The following MEF2C variants were observed in gnomAD, a reference collection of about 807,000 sequenced individuals.
MEF2C encodes the protein myocyte enhancer factor 2C, also known as myocyte-specific enhancer factor 2C.
A neutral mutation model predicts 50.5 loss-of-function variants in MEF2C; 6 were observed. The ratio of observed to expected loss-of-function variants is 0.12; its 90% CI spans 0.07 to 0.23. MEF2C has a LOEUF of 0.23. Ranked by LOEUF, MEF2C falls within the 10% of genes least tolerant of loss-of-function variation. The pLI is 1.00. For synonymous variants in MEF2C, 183 were observed against 228.0 expected (o/e 0.80, Z 1.78); for missense variants, 276 against 605.0 (o/e 0.46, Z 5.70).
chr5:88,851,903 T>C (rs1821503320), intron 1 of MEF2C, among the ~76,000 whole-genome samples: 1 of 152,202 alleles, frequency 6.6e-6, no homozygotes, highest in African/African-American at 2.4e-5. Flanking sequence ...CTTGAACCTT[T>C]ATAATGCAAT....
At chr5:88,775,622 T>C (rs1243217247) in intron 3 of MEF2C, 1 of 171,272 alleles carries the variant, frequency 5.8e-6, no homozygotes, top group Non-Finnish European at 1.2e-5. Context: ...TTCATCTCAA[T>C]TTATTTTCCT....
intron 2 of MEF2C, among the ~76,000 whole-genome samples, chr5:88,806,516 T>C (rs1800498693): frequency 6.6e-6 from 1 of 152,130 alleles, no homozygotes; most frequent in African/African-American, 2.4e-5. Context: ...AATCCTGGCC[T>C]GCCACCTTCT....
At chr5:88,881,061 T>C (rs2362113) in intron 1 of MEF2C, 48 of 152,172 alleles carry the variant, frequency 3.2e-4, no homozygotes, top group African/African-American at 1.1e-3. Flanking sequence ...GTGTGAATTA[T>C]ATTAATAAAA....
chr5:88,738,704 T>G (rs546507723), intron 6 of MEF2C: 1 of 985,296 alleles, frequency 1.0e-6, no homozygotes, highest in Admixed American at 6.1e-5. Flanking sequence ...AGGACACAAC[T>G]AGGGACAGGA....
intron 3 of MEF2C, among the ~76,000 whole-genome samples, chr5:88,783,478 A>G (rs900407428): frequency 6.6e-6 from 1 of 151,984 alleles, no homozygotes; most frequent in African/African-American, 2.4e-5. Flanking sequence ...AAAATACAAA[A>G]AAAATTTAGC....
rs1181787837 is a variant in MEF2C, at chr5:88,718,509, T to G, written c.*4095A>C. On this transcript the variant is annotated 3_prime_UTR_variant, in exon 11 of 11. Transcript: ENST00000504921. ...CTCATTTACAAGCGATTTTAATTAC[T>G]CTCATTTAATGGAAACAAGTCCCCA... The G allele has an allele frequency of 2.5e-4, 38 of 152,182 alleles. No homozygotes were observed. The highest frequency in any genetic ancestry group is 2.5e-3 in the Admixed American group (38 of 15,266). The allele number at this position is 152,182 out of a possible 1,614,324, so 9.4% of individuals were successfully genotyped here.
intron 3 of MEF2C, among the ~76,000 whole-genome samples, chr5:88,791,894 AC>A (rs1274424994): frequency 2.0e-5 from 3 of 152,072 alleles, no homozygotes; most frequent in African/African-American, 7.2e-5. Context: ...AGAAGCCACA[AC>A]ATAGAAGGTT....
Position 88,722,617 on chromosome 5 carries a change from C to G in MEF2C, c.1409G>C (p.Gly470Ala). ...PSVKRMRLSE[G>A]WAT The stretch of plus-strand genomic sequence containing the variant: ...GTAATAATCTGATCATGTTGCCCAT[C>G]CTTCAGAAAGTCGCATGCGCTTGAC... The change falls in exon 11 of 11, where the codon GGA becomes GCA. Residue 470 changes from glycine (G) to alanine (A), a missense_variant. Coordinates refer to ENST00000504921, the MANE Select transcript of MEF2C (RefSeq NM_002397.5). 1 of 1,611,524 alleles carries G rather than the reference C, an allele frequency of 6.2e-7. No individual in the cohort carries two copies. Among genetic ancestry groups the G allele is most frequent in the Non-Finnish European group, 8.5e-7 (1 of 1,178,210 alleles).
chr5:88,761,943 T>C (rs901766919), intron 3 of MEF2C: 2 of 152,220 alleles, frequency 1.3e-5, no homozygotes, highest in African/African-American at 4.8e-5. Context: ...GTTCTATATA[T>C]GTGAAAATCT....
At chr5:88,734,038 A>C (rs1479728142) in intron 6 of MEF2C, 1 of 985,168 alleles carries the variant, frequency 1.0e-6, no homozygotes, top group Non-Finnish European at 1.2e-6. Context: ...AGAAAAAAAC[A>C]AACAAAAGAG....
In MEF2C at chr5:88,717,701, A is replaced by G. The variant is rs930020151; in HGVS notation, c.*4903T>C. 5 of 152,100 alleles carry G rather than the reference A, an allele frequency of 3.3e-5. No homozygotes were observed. The highest frequency in any genetic ancestry group is 4.8e-5 in the African/African-American group (2 of 41,422). The allele number at this position is 152,100 out of a possible 1,614,324, so 9.4% of individuals were successfully genotyped here. ...AGTTTTTAAATTAATCTTTCTATCA[A>G]TCTTTTTAAGGACATTCCCCTTTAG... On this transcript the variant is annotated 3_prime_UTR_variant, in exon 11 of 11. Transcript: ENST00000504921.
chr5:88,815,329 A>C (rs2153167088), intron 2 of MEF2C, among the ~76,000 whole-genome samples: 1 of 152,030 alleles, frequency 6.6e-6, no homozygotes, highest in South Asian at 2.1e-4. Flanking sequence ...TTACCTCCTA[A>C]CTCCAATATT....
intron 3 of MEF2C, among the ~76,000 whole-genome samples, chr5:88,769,661 G>A (rs1466095624): frequency 1.3e-5 from 2 of 152,124 alleles, no homozygotes; most frequent in Admixed American, 6.6e-5. Context: ...TGTTGTTGTT[G>A]TTAGACAGAG....
chr5:88,735,713 C>T (rs1250339768), intron 6 of MEF2C: 18 of 985,192 alleles, frequency 1.8e-5, no homozygotes, highest in Admixed American at 6.2e-5. Context: ...TTTTTCTCCC[C>T]AGTTAACTTG....
chr5:88,792,721 ATTTAAT>A (rs1304862539), intron 3 of MEF2C, among the ~76,000 whole-genome samples: 2 of 152,146 alleles, frequency 1.3e-5, no homozygotes, highest in African/African-American at 4.8e-5. Context: ...TGGACATTTT[ATTTAAT>A]TTTAATTCAT....
At chr5:88,769,713 C>A (rs1036537774) in intron 3 of MEF2C, among the ~76,000 whole-genome samples, 1 of 152,204 alleles carries the variant, frequency 6.6e-6, no homozygotes, top group Non-Finnish European at 1.5e-5. Context: ...GGCATGATCT[C>A]AGCTCACTGC....
chr5:88,830,338 TA>T (rs1002595229), intron 1 of MEF2C, among the ~76,000 whole-genome samples: 11 of 152,016 alleles, frequency 7.2e-5, no homozygotes, highest in African/African-American at 2.7e-4. Context: ...ATAATAAGGC[TA>T]AAAAGGAACT....
chr5:88,817,912 A>G (rs1806248138), intron 2 of MEF2C: 1 of 152,086 alleles, frequency 6.6e-6, no homozygotes, highest in East Asian at 1.9e-4. Flanking sequence ...TCTTCCTAAT[A>G]TAACAGATTT....
intron 1 of MEF2C, among the ~76,000 whole-genome samples, chr5:88,880,402 C>A (rs1473660828): frequency 6.6e-6 from 1 of 152,050 alleles, no homozygotes. Flanking sequence ...TTATGTAGCA[C>A]AAGTATTGCT....
Sources: gnomAD v4.1 joint callset for allele counts (sites outside exome capture counted in the v4.1 genomes callset) on GRCh38, gnomAD v4.1.1 for gene constraint, MANE v1.5 for transcripts, NCBI Gene and HGNC (gene_info 2026-07-23, HGNC 2026-07-21) for gene names.